MEI1: variants seen among roughly 807,000 people sequenced by gnomAD.
MEI1 encodes meiosis inhibitor protein 1.
In MEI1, 103 loss-of-function variants were observed where a neutral mutation model predicts 146.2. That is an observed-to-expected ratio of 0.70 (90% CI 0.60 to 0.83). MEI1 has a LOEUF of 0.83. Among genes scored for constraint, MEI1 ranks in the 40% least tolerant of loss-of-function variants. MEI1 has a pLI of 0.00. For synonymous variants in MEI1, 652 were observed against 628.2 expected (o/e 1.04, Z -0.57); for missense variants, 1,529 against 1,533.0 (o/e 1.00, Z 0.04).
chr22:41,700,189 G>A (rs936220493), intron 1 of MEI1, among the ~76,000 whole-genome samples: 8 of 152,228 alleles, frequency 5.3e-5, no homozygotes, highest in African/African-American at 1.7e-4. Flanking sequence ...TGAATCGGAG[G>A]AGGGGCAGTC....
chr22:41,700,380 G>C lies in MEI1; in HGVS notation c.174+668G>C, dbSNP rs183459468. 1.6e-3 allele frequency among the ~76,000 whole-genome samples: 241 copies of C among 152,340 alleles called. 3 individuals carry two copies. The highest frequency in any genetic ancestry group is 9.0e-4 in the Non-Finnish European group (61 of 68,028). ...GAGTCTCGCTCTGACACCCAGGCCGGAGTGCAATGGCGCCATCTCCGCTCA... is the reference window on the plus strand; with the variant it reads ...GAGTCTCGCTCTGACACCCAGGCCGCAGTGCAATGGCGCCATCTCCGCTCA... On this transcript the variant is annotated intron_variant, in intron 1 of 30. Coordinates refer to ENST00000401548, the MANE Select transcript of MEI1 (RefSeq NM_152513.4).
chr22:41,745,108 G>T, intron 13 of MEI1, 44 bp downstream of exon 13: 1 of 1,345,780 alleles, frequency 7.4e-7, no homozygotes, highest in South Asian at 1.5e-5. Context: ...TGGAAGGTAG[G>T]GGTGGAAGGG....
chr22:41,769,059 A>G (rs1424344179), intron 19 of MEI1, among the ~76,000 whole-genome samples: 2 of 152,210 alleles, frequency 1.3e-5, no homozygotes, highest in African/African-American at 2.4e-5. Context: ...CTTTTTTGCA[A>G]AAATGAATAA....
chr22:41,752,546 A>T, intron 15 of MEI1, 45 bp from the exon 16 acceptor site: 3 of 1,531,562 alleles, frequency 2.0e-6, no homozygotes, highest in Non-Finnish European at 2.7e-6. Flanking sequence ...CTCTGTGACA[A>T]GTCTGGTTTA....
In MEI1 at chr22:41,776,067, C is replaced by A. The variant is rs2090391576; in HGVS notation, c.2545-35C>A. On this transcript the variant is annotated intron_variant, in intron 20 of 30. Transcript: ENST00000401548. ...TTGTCACTTTTCCCCAACTGCAGTA[C>A]CCTCTGATCTCTGGCTTTCTTCTCT... 3.1e-6 allele frequency: 5 copies of A among 1,604,770 alleles called. No individual in the cohort carries two copies. The South Asian group carries it at 4.4e-5, about 14-fold the overall frequency.
chr22:41,741,879 G>T (rs1276594443), intron 11 of MEI1, among the ~76,000 whole-genome samples: 1 of 150,772 alleles, frequency 6.6e-6, no homozygotes, highest in African/African-American at 2.4e-5. Flanking sequence ...GGGAGGCAGA[G>T]GTTGCAGTGA....
At chr22:41,712,826 A>T (rs2413655) in intron 3 of MEI1, among the ~76,000 whole-genome samples, 141,878 of 142,062 alleles carry the variant, frequency 1, 70,847 homozygotes, top group Middle Eastern at 1. Flanking sequence ...TTTTTTTTTT[A>T]GAGATGGAGT....
chr22:41,770,872 A>C lies in MEI1; in HGVS notation c.2455A>C (p.Thr819Pro). The C allele has an allele frequency of 6.2e-7, 1 of 1,613,806 alleles. No homozygotes were observed. The highest frequency in any genetic ancestry group is 2.2e-5 in the East Asian group (1 of 44,888). ...ESSYEELDDV[T>P]SAGQPALPAS... ...CAGCTATGAGGAACTGGATGATGTC[A>C]CCTCTGCTGGGCAGCCCGCCCTTCC... Residue 819 changes from threonine to proline, a missense_variant, in exon 20 of 31, where the codon ACC becomes CCC. Around this residue, in one of 3 missense-constraint regions of MEI1, gnomAD observed 1,212 missense variants for 1,178.9 expected, o/e 1.03. Transcript: ENST00000401548.
intron 11 of MEI1, 32 bp from the exon 12 acceptor site, chr22:41,743,048 C>T: frequency 3.2e-6 from 5 of 1,543,162 alleles, no homozygotes; most frequent in Non-Finnish European, 3.6e-6. Context: ...CGTTGCCTTA[C>T]CGTGAACCTG....
In MEI1 at chr22:41,758,406, C is replaced by A. The variant is rs375234035; in HGVS notation, c.1993C>A (p.Gln665Lys). Reference sequence around the variant, plus strand: ...TGAGCTCCTGCAGCATGGGCTGCCCCAGATAAGCAGCAGGAGCCCTGAAAG... The same window carrying A: ...TGAGCTCCTGCAGCATGGGCTGCCCAAGATAAGCAGCAGGAGCCCTGAAAG... ...VSELLQHGLP[Q>K]ISSRSPESLA... Residue 665 changes from glutamine (Q) to lysine (K), a missense_variant, in exon 18 of 31, where the codon CAG becomes AAG. Around this residue, in one of 3 missense-constraint regions of MEI1, gnomAD observed 1,212 missense variants for 1,178.9 expected, o/e 1.03. Transcript: ENST00000401548. 142 of 1,613,902 alleles carry A rather than the reference C, an allele frequency of 8.8e-5. No individual in the cohort carries two copies. The highest frequency in any genetic ancestry group is 1.1e-4 in the Non-Finnish European group (128 of 1,179,872).
intron 15 of MEI1, among the ~76,000 whole-genome samples, chr22:41,749,886 G>A (rs2073629100): frequency 6.6e-6 from 1 of 151,904 alleles, no homozygotes; most frequent in East Asian, 1.9e-4. Flanking sequence ...CACTGGGGGA[G>A]GATCTGGTTT....
chr22:41,795,715 C>T lies in MEI1; in HGVS notation c.3667-20C>T, dbSNP rs2076335253. ...TGGGCACTGAGGAGGCCTGTCTTCCCTGCCCTCTTCTCCCTGCAGCTCCAG... is the reference window on the plus strand; with the variant it reads ...TGGGCACTGAGGAGGCCTGTCTTCCTTGCCCTCTTCTCCCTGCAGCTCCAG... On this transcript the variant is annotated intron_variant, in intron 29 of 30. Coordinates refer to ENST00000401548, the MANE Select transcript of MEI1 (RefSeq NM_152513.4). This position sits in a 1 kb window ranked among gnomAD's most constrained non-coding sequence, Gnocchi z 4.2. 1 of 1,610,626 alleles carries T rather than the reference C, an allele frequency of 6.2e-7. No individual in the cohort carries two copies. Among genetic ancestry groups the T allele is most frequent in the Non-Finnish European group, 8.5e-7 (1 of 1,178,076 alleles).
At chr22:41,764,325 G>A (rs1015087886) in intron 19 of MEI1, among the ~76,000 whole-genome samples, 3 of 152,162 alleles carry the variant, frequency 2.0e-5, no homozygotes, top group Admixed American at 6.6e-5. Context: ...GAATATTATT[G>A]TTTTGTAATC....
intron 19 of MEI1, among the ~76,000 whole-genome samples, chr22:41,769,531 G>A (rs916231744): frequency 4.0e-5 from 6 of 150,934 alleles, no homozygotes; most frequent in African/African-American, 9.8e-5. Context: ...AGAGTGCAAT[G>A]GCGTGATCTT....
At chr22:41,784,918 A>G (rs2075901479) in intron 26 of MEI1, 135 bp downstream of exon 26, 1 of 413,238 alleles carries the variant, frequency 2.4e-6, no homozygotes, top group African/African-American at 2.9e-5. Flanking sequence ...TATTTCTATT[A>G]TTTTTATTTT....
intron 7 of MEI1, among the ~76,000 whole-genome samples, chr22:41,727,127 C>T (rs1036836268): frequency 6.6e-6 from 1 of 151,906 alleles, no homozygotes; most frequent in Non-Finnish European, 1.5e-5. Context: ...TTTATGTGTC[C>T]ACTTGTAAGT....
At chr22:41,783,262 C>G (rs2075830490) in intron 24 of MEI1, among the ~76,000 whole-genome samples, 2 of 152,070 alleles carry the variant, frequency 1.3e-5, no homozygotes, top group African/African-American at 4.8e-5. Flanking sequence ...TAACACCCCC[C>G]CTCACCCCCG....
Position 41,778,766 on chromosome 22 carries a change from G to T in MEI1, c.2769G>T (p.Val923=), listed in dbSNP as rs766091892. ...TCTCCCTGATGCAGCTCAGGAATGT[G>T]TCAGAGCAAGAACTGGACAGCGTGG... ...SLLSLMQLRN[V]SEQELDSVAM... is the part of the protein sequence containing the mutation. The change falls in exon 22 of 31, where the codon GTG becomes GTT. Residue 923 remains valine, a synonymous_variant. Transcript: ENST00000401548. 6.2e-6 allele frequency: 10 copies of T among 1,609,402 alleles called. No individual in the cohort carries two copies. Among genetic ancestry groups the T allele is most frequent in the African/African-American group, 4.0e-5 (3 of 74,952 alleles).
intron 3 of MEI1, 130 bp downstream of exon 3, chr22:41,705,684 C>T (rs1457954448): frequency 1.5e-6 from 1 of 679,668 alleles, no homozygotes; most frequent in Non-Finnish European, 2.6e-6. Flanking sequence ...AGTTTTCAAT[C>T]ACTAATTCAA....
Sources: gnomAD v4.1 joint callset for allele counts (sites outside exome capture counted in the v4.1 genomes callset) on GRCh38, gnomAD v4.1.1 for gene constraint, gnomAD v4.1.1 regional missense constraint, Gnocchi (gnomAD v3.1) non-coding constraint, MANE v1.5 for transcripts, NCBI Gene and HGNC (gene_info 2026-07-23, HGNC 2026-07-21) for gene names.